The following MBOAT2 variants were observed in gnomAD, a reference collection of about 807,000 sequenced individuals.
The protein encoded by MBOAT2 is membrane-bound glycerophospholipid O-acyltransferase 2.
In MBOAT2, 28 loss-of-function variants were observed where a neutral mutation model predicts 63.4. The ratio of observed to expected loss-of-function variants is 0.44; its 90% CI spans 0.33 to 0.61. MBOAT2 has a LOEUF of 0.61. Ranked by LOEUF, MBOAT2 falls within the 20% of genes least tolerant of loss-of-function variation. The pLI is 0.03. For synonymous variants in MBOAT2, 211 were observed against 215.6 expected (o/e 0.98, Z 0.19); for missense variants, 470 against 605.8 (o/e 0.78, Z 2.35).
At chr2:8,932,104 C>G (rs1409160229) in intron 3 of MBOAT2, among the ~76,000 whole-genome samples, 1 of 152,074 alleles carries the variant, frequency 6.6e-6, no homozygotes, top group East Asian at 1.9e-4. Context: ...CATAACTACT[C>G]TAAATAAGGA....
chr2:8,966,422 A>C (rs1174510651), intron 1 of MBOAT2, among the ~76,000 whole-genome samples: 1 of 152,210 alleles, frequency 6.6e-6, no homozygotes, highest in African/African-American at 2.4e-5. Context: ...GCTGTGTAAA[A>C]ATCATCTGAC....
At chr2:8,861,590 C>T (rs1272681330) in intron 11 of MBOAT2, among the ~76,000 whole-genome samples, 3 of 152,170 alleles carry the variant, frequency 2.0e-5, no homozygotes, top group East Asian at 3.8e-4. Flanking sequence ...ATGGGTTTTG[C>T]TAATGTCCTT....
intron 1 of MBOAT2, among the ~76,000 whole-genome samples, chr2:8,989,944 G>C (rs988495591): frequency 6.6e-6 from 1 of 152,170 alleles, no homozygotes; most frequent in East Asian, 1.9e-4. Flanking sequence ...CTACACTCTT[G>C]TGCACACAGA....
chr2:8,876,877 G>T, intron 7 of MBOAT2, 153 bp downstream of exon 7: 1 of 658,620 alleles, frequency 1.5e-6, no homozygotes, highest in Non-Finnish European at 2.5e-6. Flanking sequence ...AATCATGACT[G>T]TACTTCTACC....
intron 4 of MBOAT2, among the ~76,000 whole-genome samples, chr2:8,898,338 T>C (rs947343780): frequency 1.3e-5 from 2 of 152,164 alleles, no homozygotes; most frequent in African/African-American, 2.4e-5. Context: ...CGGGGATCCA[T>C]AGTTGGCAAA....
At chr2:8,860,525 A>G (rs1661419845) in intron 12 of MBOAT2, 88 bp downstream of exon 12, 3 of 1,293,618 alleles carry the variant, frequency 2.3e-6, no homozygotes, top group Non-Finnish European at 3.3e-6. Flanking sequence ...TGGCTATGGT[A>G]CTGTTTTTCT....
chr2:8,910,009 AT>A (rs1457630435), intron 3 of MBOAT2, among the ~76,000 whole-genome samples: 3 of 152,184 alleles, frequency 2.0e-5, no homozygotes, highest in African/African-American at 7.2e-5. Context: ...AGACCAGCGG[AT>A]TACAGAAGCA....
At chr2:8,943,848 C>T (rs1473434429) in intron 2 of MBOAT2, among the ~76,000 whole-genome samples, 1 of 152,126 alleles carries the variant, frequency 6.6e-6, no homozygotes, top group African/African-American at 2.4e-5. Context: ...TATCTACAAA[C>T]ATCCTGGCTA....
intron 1 of MBOAT2, among the ~76,000 whole-genome samples, chr2:8,999,181 G>C (rs1307240423): frequency 6.6e-6 from 1 of 152,086 alleles, no homozygotes; most frequent in Non-Finnish European, 1.5e-5. Flanking sequence ...GTAAAACAAT[G>C]AATGACCCCT....
At chr2:8,966,628 G>C (rs1237288776) in intron 1 of MBOAT2, among the ~76,000 whole-genome samples, 1 of 152,134 alleles carries the variant, frequency 6.6e-6, no homozygotes, top group Non-Finnish European at 1.5e-5. Context: ...AAAGGCAAAG[G>C]AAAGAACCAT....
chr2:8,965,653 T>A (rs1386631022), intron 1 of MBOAT2, among the ~76,000 whole-genome samples: 1 of 152,190 alleles, frequency 6.6e-6, no homozygotes, highest in African/African-American at 2.4e-5. Context: ...TTAAATTTCC[T>A]CCCTCTTACT....
chr2:8,863,588 C>T (rs997248309), intron 10 of MBOAT2, among the ~76,000 whole-genome samples: 6 of 152,100 alleles, frequency 3.9e-5, no homozygotes, highest in Non-Finnish European at 5.9e-5. Flanking sequence ...AAGTTCTTCC[C>T]GCATCCCTCT....
chr2:8,885,271 T>G (rs909564656), intron 5 of MBOAT2, among the ~76,000 whole-genome samples: 4 of 152,200 alleles, frequency 2.6e-5, no homozygotes, highest in African/African-American at 4.8e-5. Context: ...AGTGGCACCT[T>G]TGGTTTCTGA....
chr2:8,961,022 G>A (rs1421480324), intron 1 of MBOAT2, among the ~76,000 whole-genome samples: 1 of 152,162 alleles, frequency 6.6e-6, no homozygotes, highest in Non-Finnish European at 1.5e-5. Context: ...GCCACACCAC[G>A]GCGTTTGAGC....
intron 2 of MBOAT2, among the ~76,000 whole-genome samples, chr2:8,950,273 G>C (rs184229011): frequency 3.9e-5 from 6 of 152,068 alleles, no homozygotes; most frequent in Non-Finnish European, 5.9e-5. Context: ...AAGACCGAGA[G>C]TTTGACTTCT....
At chr2:8,870,197 G>GA (rs1262752501) in intron 8 of MBOAT2, among the ~76,000 whole-genome samples, 1 of 152,036 alleles carries the variant, frequency 6.6e-6, no homozygotes, top group Non-Finnish European at 1.5e-5. Context: ...GAGTTAAAGG[G>GA]AAAAAAAGTG....
chr2:8,962,220 T>G (rs571068356), intron 1 of MBOAT2, among the ~76,000 whole-genome samples: 1 of 152,190 alleles, frequency 6.6e-6, no homozygotes, highest in Non-Finnish European at 1.5e-5. Flanking sequence ...CTGAAACAGT[T>G]TAACTAGTGT....
At chr2:8,935,340 G>T (rs141292450) in intron 3 of MBOAT2, among the ~76,000 whole-genome samples, 144 of 152,322 alleles carry the variant, frequency 9.5e-4, no homozygotes, top group African/African-American at 3.4e-3. Flanking sequence ...TCATTTGATA[G>T]AACAGAATAC....
chr2:8,950,952 G>A (rs1668784256), intron 2 of MBOAT2, among the ~76,000 whole-genome samples: 1 of 152,118 alleles, frequency 6.6e-6, no homozygotes, highest in Non-Finnish European at 1.5e-5. Flanking sequence ...ATTTGTATAT[G>A]TTGAACCATC....
Sources: allele counts gnomAD v4.1 joint callset (sites outside exome capture counted in the v4.1 genomes callset), GRCh38; gene constraint gnomAD v4.1.1; transcripts MANE v1.5; gene names NCBI Gene and HGNC (gene_info 2026-07-23, HGNC 2026-07-21).